Variants in CADM3 observed in about 807,000 individuals in gnomAD.
CADM3 encodes cell adhesion molecule 3, also known as TSLC1-like 1.
A neutral mutation model predicts 44.9 loss-of-function variants in CADM3; 11 were observed. The ratio of observed to expected loss-of-function variants is 0.25; its 90% confidence interval spans 0.15 to 0.41. CADM3 has a LOEUF of 0.41. Among genes scored for constraint, CADM3 ranks in the 10% least tolerant of loss-of-function variants. The pLI is 1.00. For synonymous variants in CADM3, 207 were observed against 205.2 expected (o/e 1.01, Z -0.08); for missense variants, 426 against 512.0 (o/e 0.83, Z 1.62).
chr1:159,192,428 A>G (rs1649703603), intron 2 of CADM3, 150 bp from the exon 3 acceptor site: 1 of 852,946 alleles, frequency 1.2e-6, no homozygotes, highest in African/African-American at 1.7e-5. Flanking sequence ...GTGATTGAAT[A>G]ACTTAAAGAC....
chr1:159,185,090 A>T (rs1168050679), intron 1 of CADM3, among the ~76,000 whole-genome samples: 1 of 152,196 alleles, frequency 6.6e-6, no homozygotes, highest in Admixed American at 6.5e-5. Flanking sequence ...ATGAAAACAC[A>T]AGGAGATTTT....
In CADM3 at chr1:159,193,504, C is replaced by G; in HGVS notation, c.464C>G (p.Ser155Cys). 1.9e-6 allele frequency: 3 copies of G among 1,614,156 alleles called. No homozygotes were observed. Among genetic ancestry groups the G allele is most frequent in the Non-Finnish European group, 2.5e-6 (3 of 1,180,006 alleles). Residue 155 changes from serine (S) to cysteine (C), a missense_variant, in exon 4 of 9, where the codon TCT (serine) becomes TGT (cysteine). By Grantham distance (112) the Ser-to-Cys change is moderately radical (BLOSUM62 -1). Transcript: ENST00000368125. ...ACAGCCACCCTAAACTGTCAGTCTT[C>G]TGGGAGCAAGCCTGCAGCCCGGCTC... ...KDTATLNCQS[S>C]GSKPAARLTW...
intron 8 of CADM3, 43 bp downstream of exon 8, chr1:159,199,919 A>G (rs767945895): frequency 2.5e-6 from 4 of 1,603,214 alleles, no homozygotes; most frequent in Non-Finnish European, 3.4e-6. Context: ...TGGGAGGGGC[A>G]GGGAGACCAA....
chr1:159,192,194 T>C (rs976084830), intron 2 of CADM3, 118 bp downstream of exon 2: 1 of 1,122,776 alleles, frequency 8.9e-7, no homozygotes, highest in African/African-American at 1.6e-5. Context: ...GGTCTGCTGT[T>C]TGAGGATGTA....
chr1:159,199,392 C>CGGAG (rs1650052199), intron 7 of CADM3, among the ~76,000 whole-genome samples: 3 of 146,328 alleles, frequency 2.1e-5, no homozygotes, highest in South Asian at 2.3e-4. Flanking sequence ...AAAGAAGAGG[C>CGGAG]GGAGGGAGGG....
At chr1:159,197,131 C>A in intron 7 of CADM3, 71 bp downstream of exon 7, 1 of 1,505,650 alleles carries the variant, frequency 6.6e-7, no homozygotes, top group South Asian at 1.2e-5. Context: ...TTTTAAAATG[C>A]TTCCTGATAA....
At position 159,200,995 on chromosome 1, in the gene CADM3, G is replaced by C. The variant is rs1650168410; in HGVS notation, c.*73G>C. The stretch of plus-strand genomic sequence containing the variant: ...CTGGGGCCGTCACCAACCCGGACTT[G>C]TACAGAGCAACCGCAGGGCCGCCCC... On this transcript the variant is annotated 3_prime_UTR_variant, in exon 9 of 9. Coordinates refer to ENST00000368125, the MANE Select transcript of CADM3 (RefSeq NM_001127173.3). 2 of 1,101,368 alleles carry C rather than the reference G, an allele frequency of 1.8e-6. No homozygotes were observed. Among genetic ancestry groups the C allele is most frequent in the Non-Finnish European group, 2.6e-6 (2 of 779,982 alleles). 68.2% of individuals were successfully genotyped at this position (1,101,368 alleles called of 1,614,324 possible).
chr1:159,174,108 G>T (rs1413264373), intron 1 of CADM3, among the ~76,000 whole-genome samples: 3 of 152,216 alleles, frequency 2.0e-5, no homozygotes, highest in Admixed American at 6.5e-5. Flanking sequence ...TTCCAAAGAA[G>T]AGTCAAACCA....
Position 159,194,021 on chromosome 1 carries a change from T to A in CADM3, c.672T>A (p.Ser224=), listed in dbSNP as rs1649788270. 1.9e-6 allele frequency: 3 copies of A among 1,613,812 alleles called. No individual in the cohort carries two copies. In the African/African-American group the frequency reaches 4.0e-5, roughly 22 times the overall value. The change falls in exon 5 of 9, where the codon TCT becomes TCA. Residue 224 remains serine, a synonymous_variant. Transcript: ENST00000368125. ...ESLKGADRST[S]QRIEVLYTPT... ...TAAAGGGAGCTGACAGATCCACCTC[T>A]CAACGCATTGAAGTTTTATGTATGT...
intron 1 of CADM3, among the ~76,000 whole-genome samples, chr1:159,175,439 T>C (rs1002112860): frequency 1.3e-5 from 2 of 152,212 alleles, no homozygotes; most frequent in African/African-American, 4.8e-5. Context: ...GATAGCACTG[T>C]TAGTTTTAAT....
chr1:159,198,535 T>C (rs571312629), intron 7 of CADM3, among the ~76,000 whole-genome samples: 1 of 152,268 alleles, frequency 6.6e-6, no homozygotes, highest in East Asian at 1.9e-4. Flanking sequence ...AATGTTTTCT[T>C]TTCAAATAAG....
chr1:159,183,027 C>T (rs1282987228), intron 1 of CADM3, among the ~76,000 whole-genome samples: 1 of 152,196 alleles, frequency 6.6e-6, no homozygotes, highest in Non-Finnish European at 1.5e-5. Flanking sequence ...CTGGAAAAGC[C>T]TAGCCACACA....
chr1:159,176,698 C>A (rs1649028948), intron 1 of CADM3, among the ~76,000 whole-genome samples: 1 of 152,162 alleles, frequency 6.6e-6, no homozygotes, highest in Admixed American at 6.5e-5. Flanking sequence ...TCCATCCCTT[C>A]TAGTACAGAG....
chr1:159,200,270 T>C (rs1377598142), intron 8 of CADM3, among the ~76,000 whole-genome samples: 1 of 152,160 alleles, frequency 6.6e-6, no homozygotes, highest in African/African-American at 2.4e-5. Context: ...TTGATCTCAT[T>C]GCCTTTCTTT....
chr1:159,197,199 C>G, intron 7 of CADM3, 139 bp downstream of exon 7: 1 of 822,766 alleles, frequency 1.2e-6, no homozygotes, highest in Non-Finnish European at 1.9e-6. Context: ...CACTGGGGTC[C>G]CTGAGGGCTT....
intron 1 of CADM3, among the ~76,000 whole-genome samples, chr1:159,191,089 C>T (rs923667191): frequency 2.9e-4 from 44 of 152,168 alleles, no homozygotes; most frequent in African/African-American, 9.2e-4. Context: ...TAGGCGTGAC[C>T]AGAAGGCACA....
intron 1 of CADM3, among the ~76,000 whole-genome samples, chr1:159,174,919 T>C (rs1391873902): frequency 6.6e-6 from 1 of 152,230 alleles, no homozygotes; most frequent in Non-Finnish European, 1.5e-5. Context: ...AGGGTAAAGA[T>C]AGATAGACGG....
chr1:159,200,768 C>G (rs371584873), intron 8 of CADM3, 36 bp from the exon 9 acceptor site: 1 of 1,495,026 alleles, frequency 6.7e-7, no homozygotes, highest in Non-Finnish European at 9.0e-7. Flanking sequence ...GGTTGGGAAG[C>G]TGCTCCTGAG....
At chr1:159,192,860 C>T in intron 3 of CADM3, 130 bp downstream of exon 3, 2 of 864,512 alleles carry the variant, frequency 2.3e-6, no homozygotes, top group East Asian at 2.5e-5. Context: ...CCTGTGTTCC[C>T]CTGGCAATGG....
Sources: allele counts gnomAD v4.1 joint callset (sites outside exome capture counted in the v4.1 genomes callset), GRCh38; gene constraint gnomAD v4.1.1; transcripts MANE v1.5; gene names NCBI Gene and HGNC (gene_info 2026-07-23, HGNC 2026-07-21).